The following PCP4 variants were observed in gnomAD, a reference collection of about 807,000 sequenced individuals.
PCP4 encodes Purkinje cell protein 4.
A neutral mutation model predicts 10.0 loss-of-function variants in PCP4; 8 were observed. The ratio of observed to expected loss-of-function variants is 0.80; its 90% CI spans 0.47 to 1.45. The LOEUF (loss-of-function observed/expected upper bound fraction) is 1.45. Among genes scored for constraint, PCP4 ranks in the 40% most tolerant of loss-of-function variants. PCP4 has a pLI of 0.00. For synonymous variants in PCP4, 21 were observed against 23.0 expected, an observed-to-expected ratio of 0.91 and a Z score of 0.24; for missense variants, 54 against 74.4, an observed-to-expected ratio of 0.73 and a Z score of 1.01.
At chr21:39,891,185 A>AG (rs1491040391) in intron 1 of PCP4, among the ~76,000 whole-genome samples, 1 of 152,156 alleles carries the variant, frequency 6.6e-6, no homozygotes, top group African/African-American at 2.4e-5. Context: ...GTGAAAAAAA[A>AG]ATAGTCACCC....
chr21:39,905,002 A>C (rs1265191636), intron 2 of PCP4, among the ~76,000 whole-genome samples: 1 of 152,188 alleles, frequency 6.6e-6, no homozygotes, highest in East Asian at 1.9e-4. Flanking sequence ...CACCTACCTA[A>C]AGTCATTAAT....
chr21:39,874,998 G>A (rs2087338312), intron 1 of PCP4, among the ~76,000 whole-genome samples: 1 of 152,158 alleles, frequency 6.6e-6, no homozygotes, highest in African/African-American at 2.4e-5. Flanking sequence ...AGTAGAGTGT[G>A]CAATTTGCAA....
At chr21:39,881,986 C>A (rs1264800995) in intron 1 of PCP4, among the ~76,000 whole-genome samples, 1 of 152,216 alleles carries the variant, frequency 6.6e-6, no homozygotes, top group Non-Finnish European at 1.5e-5. Flanking sequence ...TCTCTCCATC[C>A]AGTCGGGATA....
intron 2 of PCP4, among the ~76,000 whole-genome samples, chr21:39,904,536 T>G (rs2087497234): frequency 6.6e-6 from 1 of 152,208 alleles, no homozygotes; most frequent in South Asian, 2.1e-4. Flanking sequence ...CAGAGGATGC[T>G]GCCTGGCTGA....
intron 1 of PCP4, among the ~76,000 whole-genome samples, chr21:39,871,960 A>G (rs1019962342): frequency 2.0e-5 from 3 of 152,170 alleles, no homozygotes; most frequent in African/African-American, 7.2e-5. Flanking sequence ...TGTAATGGAA[A>G]GTTTCTTAAA....
chr21:39,884,102 T>C (rs2087388634), intron 1 of PCP4, among the ~76,000 whole-genome samples: 1 of 152,184 alleles, frequency 6.6e-6, no homozygotes. Flanking sequence ...AGGTTAAGTT[T>C]ATTAAGGTGT....
intron 2 of PCP4, chr21:39,916,184 T>C (rs1207712610): frequency 6.6e-6 from 1 of 152,218 alleles, no homozygotes; most frequent in African/African-American, 2.4e-5. Context: ...AAGAAGGCAT[T>C]TGGTATGTTA....
rs1389891605 is a variant in PCP4, at chr21:39,880,624, T to TC, written c.9+13114_9+13115insC. ...CCAGGTGAAAGCATCCGCTGGCCAGTTTTGTCCCACGTCTTTTTCTATCAA... is the reference window on the plus strand; with the variant it reads ...CCAGGTGAAAGCATCCGCTGGCCAGTCTTTGTCCCACGTCTTTTTCTATCAA... On this transcript the variant is annotated intron_variant, in intron 1 of 2. Transcript: ENST00000328619. Among the ~76,000 whole-genome samples the TC allele has an allele frequency of 1.6e-4, 25 of 152,352 alleles. 1 individual carries two copies. In the South Asian group the frequency reaches 2.7e-3, roughly 16 times the overall value.
intron 1 of PCP4, among the ~76,000 whole-genome samples, chr21:39,870,051 G>A (rs2087312362): frequency 6.6e-6 from 1 of 152,206 alleles, no homozygotes; most frequent in African/African-American, 2.4e-5. Context: ...CCTGCTGGCT[G>A]GAGAGGACCC....
chr21:39,900,165 G>T lies in PCP4; in HGVS notation c.61+1638G>T, dbSNP rs9981284. ...TTCTCCTGCCTCAGCCTCTTGAGTA[G>T]CTGGGATTACAGGCACCCACCACCA... On this transcript the variant is annotated intron_variant, in intron 2 of 2. Transcript: ENST00000328619. 3.6e-3 allele frequency among the ~76,000 whole-genome samples: 552 copies of T among 152,198 alleles called. 2 individuals are homozygous for T. Among genetic ancestry groups the T allele is most frequent in the Non-Finnish European group, 6.1e-3 (418 of 68,008 alleles).
chr21:39,910,033 C>T (rs2299779), intron 2 of PCP4, among the ~76,000 whole-genome samples: 25,316 of 151,946 alleles, frequency 0.17, 2,279 homozygotes, highest in East Asian at 0.35. Flanking sequence ...CGATCTCAGG[C>T]GATCTGCCCG....
At chr21:39,903,541 T>G (rs62236565) in intron 2 of PCP4, among the ~76,000 whole-genome samples, 3 of 151,984 alleles carry the variant, frequency 2.0e-5, no homozygotes, top group African/African-American at 7.3e-5. Context: ...GAAGTTTCAG[T>G]AGGTGTGGGG....
At chr21:39,919,495 C>G (rs1015465208) in intron 2 of PCP4, among the ~76,000 whole-genome samples, 3 of 152,224 alleles carry the variant, frequency 2.0e-5, no homozygotes, top group African/African-American at 7.2e-5. Context: ...CAGACTCCTA[C>G]TCGGGACTAT....
chr21:39,902,391 C>T (rs2146339443), intron 2 of PCP4, among the ~76,000 whole-genome samples: 1 of 152,284 alleles, frequency 6.6e-6, no homozygotes, highest in South Asian at 2.1e-4. Context: ...ATTTGGATCA[C>T]AAAAGACCCA....
At chr21:39,891,727 A>G (rs1412295230) in intron 1 of PCP4, among the ~76,000 whole-genome samples, 1 of 152,208 alleles carries the variant, frequency 6.6e-6, no homozygotes, top group Non-Finnish European at 1.5e-5. Context: ...AAGGTGAAGC[A>G]AGTCACGTGA....
In PCP4 at chr21:39,921,121, A is replaced by T. The variant is rs570286041; in HGVS notation, c.62-7863A>T. On this transcript the variant is annotated intron_variant, in intron 2 of 2. Coordinates refer to ENST00000328619, the MANE Select transcript of PCP4 (RefSeq NM_006198.3). The stretch of plus-strand genomic sequence containing the variant: ...CTCAGACCACTCGCCGAACTCATGA[A>T]TTTGGTATAGTTCCCCCAGACAGCC... Among the ~76,000 whole-genome samples the T allele has an allele frequency of 4.6e-5, 7 of 152,344 alleles. No homozygotes were observed. The South Asian group carries it at 1.2e-3, about 27-fold the overall frequency.
intron 1 of PCP4, among the ~76,000 whole-genome samples, chr21:39,892,665 G>T (rs1460369703): frequency 6.6e-6 from 1 of 152,110 alleles, no homozygotes; most frequent in African/African-American, 2.4e-5. Flanking sequence ...ACATCATGGA[G>T]AATGGGGTAT....
At chr21:39,899,851 C>T (rs2087474513) in intron 2 of PCP4, among the ~76,000 whole-genome samples, 2 of 152,014 alleles carry the variant, frequency 1.3e-5, no homozygotes, top group African/African-American at 2.4e-5. Flanking sequence ...ATTGTAGTTG[C>T]CTATATGAGG....
intron 2 of PCP4, among the ~76,000 whole-genome samples, chr21:39,915,750 G>A (rs559168823): frequency 1.6e-4 from 24 of 152,314 alleles, no homozygotes; most frequent in Admixed American, 3.3e-4. Flanking sequence ...TAATTTTATC[G>A]TAAGATTTCT....
Sources: allele counts gnomAD v4.1 joint callset (sites outside exome capture counted in the v4.1 genomes callset), GRCh38; gene constraint gnomAD v4.1.1; transcripts MANE v1.5; gene names NCBI Gene and HGNC (gene_info 2026-07-23, HGNC 2026-07-21).